Variants in ELOVL7 observed in about 807,000 individuals in gnomAD.
The protein encoded by ELOVL7 is very long chain fatty acid elongase 7.
A neutral mutation model predicts 35.7 loss-of-function variants in ELOVL7; 27 were observed. The observed-to-expected ratio is 0.76, with a 90% CI of 0.56 to 1.04. The LOEUF (loss-of-function observed/expected upper bound fraction) is 1.04, where lower values mean the gene tolerates loss of function less well. Ranked by LOEUF, ELOVL7 falls within the 50% of genes least tolerant of loss-of-function variation. ELOVL7 has a pLI of 0.00. For missense variants in ELOVL7, 327 were observed against 340.8 expected, an observed-to-expected ratio of 0.96 and a Z score of 0.32; for synonymous variants, 113 against 114.6, an observed-to-expected ratio of 0.99 and a Z score of 0.09.
Position 60,754,549 on chromosome 5 carries a change from C to T in ELOVL7, c.*75G>A. 1 of 1,299,242 alleles carries T rather than the reference C, an allele frequency of 7.7e-7. No homozygotes were observed. Among genetic ancestry groups the T allele is most frequent in the Non-Finnish European group, 1.1e-6 (1 of 913,776 alleles). The allele number at this position is 1,299,242 out of a possible 1,614,324, so 80.5% of individuals were successfully genotyped here. A position where few individuals can be genotyped will look rare whatever the true frequency, so the allele number is the denominator to read the frequency against. On this transcript the variant is annotated 3_prime_UTR_variant, in exon 9 of 9. Transcript: ENST00000508821. Reference sequence around the variant, plus strand: ...TTAGTTTTGAAAAATATACAAAATGCACTGCATAGGTAAATATCTCTTGAT... The same window carrying T: ...TTAGTTTTGAAAAATATACAAAATGTACTGCATAGGTAAATATCTCTTGAT...
intron 2 of ELOVL7, among the ~76,000 whole-genome samples, chr5:60,795,370 C>T (rs979763383): frequency 5.9e-5 from 9 of 152,198 alleles, no homozygotes; most frequent in Non-Finnish European, 7.4e-5. Context: ...GTAAACAGGG[C>T]TCACTAAAAT....
chr5:60,803,232 T>C (rs865946707), intron 1 of ELOVL7, among the ~76,000 whole-genome samples: 1 of 152,036 alleles, frequency 6.6e-6, no homozygotes, highest in Non-Finnish European at 1.5e-5. Flanking sequence ...ATCCCACAAG[T>C]CACAAGGGGA....
At chr5:60,811,983 A>G (rs1012517895) in intron 1 of ELOVL7, among the ~76,000 whole-genome samples, 7 of 152,192 alleles carry the variant, frequency 4.6e-5, no homozygotes, top group Non-Finnish European at 1.0e-4. Context: ...TAGGAGGCCA[A>G]GGCAGGAGGA....
intron 1 of ELOVL7, among the ~76,000 whole-genome samples, chr5:60,832,087 G>C (rs1447666857): frequency 6.6e-6 from 1 of 152,158 alleles, no homozygotes; most frequent in Non-Finnish European, 1.5e-5. Flanking sequence ...CTAAGGCAAC[G>C]TGTAGTAAGC....
At chr5:60,804,185 C>T (rs745508340) in intron 1 of ELOVL7, among the ~76,000 whole-genome samples, 23 of 152,154 alleles carry the variant, frequency 1.5e-4, no homozygotes, top group Admixed American at 3.9e-4. Flanking sequence ...ATACAATTCA[C>T]GTAAAAACCT....
chr5:60,764,785 AG>A (rs1306126654), intron 6 of ELOVL7, among the ~76,000 whole-genome samples: 6 of 152,164 alleles, frequency 3.9e-5, no homozygotes, highest in Non-Finnish European at 7.3e-5. Context: ...ACAAATCAAA[AG>A]TTAGGAAATT....
chr5:60,771,828 A>C, intron 4 of ELOVL7, 75 bp downstream of exon 4: 1 of 1,121,712 alleles, frequency 8.9e-7, no homozygotes, highest in Non-Finnish European at 1.3e-6. Context: ...TTACCCTTAT[A>C]ACAGAAAACA....
chr5:60,772,147 C>A (rs779439230), intron 3 of ELOVL7, 54 bp from the exon 4 acceptor site: 4 of 1,179,348 alleles, frequency 3.4e-6, no homozygotes, highest in African/African-American at 3.1e-5. Context: ...GGGTAACTAA[C>A]AGCAACCAAC....
At chr5:60,783,847 G>C (rs976515351) in intron 3 of ELOVL7, among the ~76,000 whole-genome samples, 14 of 152,170 alleles carry the variant, frequency 9.2e-5, no homozygotes, top group African/African-American at 3.1e-4. Context: ...TTAGGCATGA[G>C]GTGCTCTGTC....
chr5:60,834,502 A>G (rs1746672580), intron 1 of ELOVL7, among the ~76,000 whole-genome samples: 1 of 152,188 alleles, frequency 6.6e-6, no homozygotes, highest in Non-Finnish European at 1.5e-5. Context: ...TGAAAGCCCA[A>G]TTTAAAATAA....
intron 1 of ELOVL7, among the ~76,000 whole-genome samples, chr5:60,807,574 G>A (rs978525109): frequency 4.6e-5 from 7 of 151,620 alleles, no homozygotes; most frequent in Non-Finnish European, 8.8e-5. Context: ...AAACTGTGGG[G>A]GGAAAGAAAC....
intron 1 of ELOVL7, among the ~76,000 whole-genome samples, chr5:60,839,027 A>T (rs866852614): frequency 0.012 from 1,632 of 133,638 alleles, 18 homozygotes; most frequent in African/African-American, 0.03. Flanking sequence ...GTGTCAAAAA[A>T]AAATATATAT....
intron 1 of ELOVL7, among the ~76,000 whole-genome samples, chr5:60,829,095 TATA>T (rs775182734): frequency 6.6e-6 from 1 of 152,156 alleles, no homozygotes; most frequent in East Asian, 1.9e-4. Flanking sequence ...TAGAAATTTC[TATA>T]ATAAGAGTTT....
intron 1 of ELOVL7, among the ~76,000 whole-genome samples, chr5:60,828,016 C>T (rs1279617831): frequency 6.6e-6 from 1 of 152,062 alleles, no homozygotes; most frequent in African/African-American, 2.4e-5. Context: ...ATTTTACACC[C>T]CTAGTTCCCT....
intron 1 of ELOVL7, among the ~76,000 whole-genome samples, chr5:60,841,947 T>G (rs1378974738): frequency 6.6e-6 from 1 of 152,182 alleles, no homozygotes; most frequent in Non-Finnish European, 1.5e-5. Flanking sequence ...CAATGCAAAC[T>G]CCGTAACTTC....
At chr5:60,837,139 G>GA (rs1746843155) in intron 1 of ELOVL7, among the ~76,000 whole-genome samples, 1 of 151,694 alleles carries the variant, frequency 6.6e-6, no homozygotes, top group African/African-American at 2.4e-5. Context: ...TACAAGTAAA[G>GA]AGACTCACTG....
At chr5:60,758,059 T>C (rs1741653458) in intron 7 of ELOVL7, among the ~76,000 whole-genome samples, 1 of 152,186 alleles carries the variant, frequency 6.6e-6, no homozygotes, top group Non-Finnish European at 1.5e-5. Context: ...CCCATGTCAC[T>C]ACCAAGATCA....
intron 1 of ELOVL7, among the ~76,000 whole-genome samples, chr5:60,814,647 T>C (rs1426239442): frequency 6.6e-6 from 1 of 152,144 alleles, no homozygotes; most frequent in Non-Finnish European, 1.5e-5. Context: ...ATTCTACAGA[T>C]AAGGAAACTG....
intron 4 of ELOVL7, 52 bp from the exon 5 acceptor site, chr5:60,767,955 A>G (rs758619394): frequency 2.1e-6 from 3 of 1,426,120 alleles, no homozygotes; most frequent in Non-Finnish European, 3.0e-6. Context: ...CCCAACAGCC[A>G]CAACAAAGGT....
Sources: allele counts gnomAD v4.1 joint callset (sites outside exome capture counted in the v4.1 genomes callset), GRCh38; gene constraint gnomAD v4.1.1; transcripts MANE v1.5; gene names NCBI Gene and HGNC (gene_info 2026-07-23, HGNC 2026-07-21).